The following ABCC1 variants were observed in gnomAD, a reference collection of about 807,000 sequenced individuals.
ABCC1 encodes multidrug resistance-associated protein 1.
In ABCC1, 83 loss-of-function variants were observed where a neutral mutation model predicts 172.9. The ratio of observed to expected loss-of-function variants is 0.48; its 90% CI spans 0.40 to 0.58. ABCC1 has a LOEUF of 0.58. Among genes scored for constraint, ABCC1 ranks in the 20% least tolerant of loss-of-function variants. The pLI is 0.00. For missense variants in ABCC1, 1,817 were observed against 2,002.7 expected (o/e 0.91, Z 1.77); for synonymous variants, 937 against 825.2 (o/e 1.14, Z -2.32).
intron 17 of ABCC1, 130 bp from the exon 18 acceptor site, chr16:16,086,680 GCTGGTCTCAAACCC>G: frequency 1.2e-6 from 1 of 805,782 alleles, no homozygotes. Context: ...TATTGCTCAG[GCTGGTCTCAAACCC>G]CTGGTCTCAA....
At chr16:16,139,438 C>G (rs1397195203) in intron 30 of ABCC1, among the ~76,000 whole-genome samples, 1 of 151,496 alleles carries the variant, frequency 6.6e-6, no homozygotes, top group Non-Finnish European at 1.5e-5. Flanking sequence ...ACGGTGAGAC[C>G]CTGTCACCAT....
intron 30 of ABCC1, among the ~76,000 whole-genome samples, chr16:16,140,154 T>C (rs777647312): frequency 3.9e-5 from 6 of 152,288 alleles, no homozygotes; most frequent in Middle Eastern, 3.4e-3. Flanking sequence ...TTAATGAATT[T>C]GAAGGCTAGC....
intron 5 of ABCC1, among the ~76,000 whole-genome samples, chr16:16,023,964 A>G (rs1489318418): frequency 1.3e-5 from 2 of 152,138 alleles, no homozygotes; most frequent in African/African-American, 4.8e-5. Flanking sequence ...CATGCCTGTA[A>G]TCCCAGCACT....
chr16:16,045,449 A>G (rs1369265185), intron 8 of ABCC1, among the ~76,000 whole-genome samples: 1 of 151,102 alleles, frequency 6.6e-6, no homozygotes, highest in Non-Finnish European at 1.5e-5. Flanking sequence ...AACTGCAACC[A>G]GGAACTGGGG....
At chr16:15,973,103 T>C (rs577946702) in intron 1 of ABCC1, among the ~76,000 whole-genome samples, 4 of 152,264 alleles carry the variant, frequency 2.6e-5, no homozygotes, top group African/African-American at 9.6e-5. Flanking sequence ...CTAATGTTTT[T>C]CTTTCAATCA....
intron 12 of ABCC1, among the ~76,000 whole-genome samples, chr16:16,059,407 G>A (rs1054842488): frequency 2.6e-5 from 4 of 152,196 alleles, no homozygotes; most frequent in Non-Finnish European, 4.4e-5. Flanking sequence ...ATCGATGGGT[G>A]TGGCTGTGTT....
At chr16:16,046,412 T>C (rs952836702) in intron 9 of ABCC1, among the ~76,000 whole-genome samples, 9 of 152,118 alleles carry the variant, frequency 5.9e-5, no homozygotes, top group Admixed American at 2.6e-4. Context: ...TGGCATGATA[T>C]TGGCTCACTG....
At chr16:16,010,037 C>A (rs1190341867) in intron 3 of ABCC1, 136 bp downstream of exon 3, 1 of 105,670 alleles carries the variant, frequency 9.5e-6, no homozygotes. Flanking sequence ...TAAATGTAGC[C>A]TTTTTTTTTT....
intron 5 of ABCC1, among the ~76,000 whole-genome samples, chr16:16,027,542 G>GTGGTTCATGCCTATAATCCCAGGACTTT (rs1206555946): frequency 3.9e-5 from 6 of 152,202 alleles, no homozygotes; most frequent in Non-Finnish European, 7.3e-5. Flanking sequence ...GTTGGGCACG[G>GTGGTTCATGCCTATAATCCCAGGACTTT]TGGTTCATGC....
intron 3 of ABCC1, 83 bp from the exon 4 acceptor site, chr16:16,014,408 C>G: frequency 6.7e-7 from 1 of 1,501,190 alleles, no homozygotes. Flanking sequence ...GATTGCACCA[C>G]TGCGCTCCAG....
chr16:16,019,783 C>T (rs1047410321), intron 5 of ABCC1, among the ~76,000 whole-genome samples: 2 of 152,138 alleles, frequency 1.3e-5, no homozygotes, highest in African/African-American at 4.8e-5. Context: ...ACATGAAGCT[C>T]TCAGCTCTGG....
At position 16,033,130 on chromosome 16, in the gene ABCC1, G is replaced by T. The variant is rs760447045; in HGVS notation, c.637G>T (p.Ala213Ser). Residue 213 changes from alanine (A) to serine (S), a missense_variant, in exon 6 of 31, where the codon GCT becomes TCT. Ala to Ser is a moderately conservative substitution (Grantham distance 99). This residue lies in a region of ABCC1 where 398 missense variants were observed against 384.2 expected (regional missense o/e 1.04). Coordinates refer to ENST00000399410, the MANE Select transcript of ABCC1 (RefSeq NM_004996.4). ...CTAGAATCCCTGCCCAGAGTCCAGC[G>T]CTTCCTTCCTGTCGAGGATCACCTT... ...HDPNPCPESSASFLSRITFWW... is the reference protein window; with the variant it reads ...HDPNPCPESSSSFLSRITFWW... 9 of 1,613,974 alleles carry T rather than the reference G, an allele frequency of 5.6e-6. No individual in the cohort carries two copies. Among genetic ancestry groups the T allele is most frequent in the Non-Finnish European group, 7.6e-6 (9 of 1,180,032 alleles).
At chr16:16,108,194 C>T (rs539817740) in intron 21 of ABCC1, among the ~76,000 whole-genome samples, 6 of 151,542 alleles carry the variant, frequency 4.0e-5, no homozygotes, top group Non-Finnish European at 8.8e-5. Context: ...CAAGGAACAT[C>T]AAAGCCAGGG....
chr16:16,048,343 G>C (rs1353700891), intron 10 of ABCC1, 40 bp downstream of exon 10: 1 of 1,608,838 alleles, frequency 6.2e-7, no homozygotes, highest in Non-Finnish European at 8.5e-7. Flanking sequence ...TGCAGGGAGG[G>C]ACTTCTACGT....
chr16:15,950,411 C>T (rs1329491508), intron 1 of ABCC1, among the ~76,000 whole-genome samples: 4 of 152,242 alleles, frequency 2.6e-5, no homozygotes, highest in Admixed American at 2.0e-4. Context: ...GATGTCCACC[C>T]TTGATGTGCC....
At chr16:16,087,085 GCTTT>G in intron 18 of ABCC1, 94 bp downstream of exon 18, 1 of 1,385,528 alleles carries the variant, frequency 7.2e-7, no homozygotes, top group East Asian at 2.4e-5. Context: ...ACTTTCTCTG[GCTTT>G]CTTTGTTTTT....
chr16:15,983,078 C>T (rs1397580383), intron 1 of ABCC1, among the ~76,000 whole-genome samples: 1 of 152,010 alleles, frequency 6.6e-6, no homozygotes, highest in Non-Finnish European at 1.5e-5. Flanking sequence ...AAGTACTTAG[C>T]AGGCACAGTA....
At chr16:16,097,825 G>GC (rs1255440431) in intron 19 of ABCC1, among the ~76,000 whole-genome samples, 4 of 152,306 alleles carry the variant, frequency 2.6e-5, no homozygotes, top group African/African-American at 9.6e-5. Flanking sequence ...GTGGAATGGT[G>GC]CCCCCCACGT....
chr16:16,112,699 C>CT (rs1230905377), intron 22 of ABCC1, among the ~76,000 whole-genome samples: 2 of 152,314 alleles, frequency 1.3e-5, no homozygotes, highest in East Asian at 3.9e-4. Context: ...ATCCACTGTG[C>CT]TACGCAGTAT....
Sources: allele counts gnomAD v4.1 joint callset (sites outside exome capture counted in the v4.1 genomes callset), GRCh38; gene constraint gnomAD v4.1.1; regional missense constraint gnomAD v4.1.1; transcripts MANE v1.5; gene names NCBI Gene and HGNC (gene_info 2026-07-23, HGNC 2026-07-21).